NR2F1: variants seen among roughly 807,000 people sequenced by gnomAD.
NR2F1 encodes nuclear receptor subfamily 2 group F member 1.
Under a neutral mutation model 37.7 loss-of-function variants are expected in NR2F1, and 1 was observed. The ratio of observed to expected loss-of-function variants is 0.03; its 90% confidence interval spans 0.01 to 0.13. NR2F1 has a LOEUF of 0.13. Among genes scored for constraint, NR2F1 ranks in the 10% least tolerant of loss-of-function variants. NR2F1 has a pLI of 1.00. For synonymous variants in NR2F1, 275 were observed against 259.6 expected (o/e 1.06, Z -0.57); for missense variants, 268 against 578.4 (o/e 0.46, Z 5.50).
chr5:93,587,816 G>C, intron 1 of NR2F1, 101 bp from the exon 2 acceptor site: 1 of 1,270,316 alleles, frequency 7.9e-7, no homozygotes, highest in Non-Finnish European at 1.1e-6. Context: ...GCGTGTGGCT[G>C]CGGGAAGAGC....
intron 2 of NR2F1, among the ~76,000 whole-genome samples, chr5:93,588,776 T>TGCGC (rs148092401): frequency 6.7e-6 from 1 of 148,814 alleles, no homozygotes; most frequent in Non-Finnish European, 1.5e-5. Flanking sequence ...TCCGTCTGGC[T>TGCGC]GCGCGCGCGC....
chr5:93,589,999 A>T (rs531990474), intron 2 of NR2F1, among the ~76,000 whole-genome samples: 17 of 152,360 alleles, frequency 1.1e-4, no homozygotes, highest in African/African-American at 4.1e-4. Context: ...TGGAAGATTT[A>T]TGGAATAGCC....
intron 1 of NR2F1, among the ~76,000 whole-genome samples, chr5:93,586,542 T>C (rs918702440): frequency 6.6e-6 from 1 of 152,250 alleles, no homozygotes; most frequent in Non-Finnish European, 1.5e-5. Context: ...TCATTAAAGA[T>C]GTCTTATAGT....
intron 2 of NR2F1, among the ~76,000 whole-genome samples, chr5:93,592,924 A>T (rs1196606354): frequency 6.6e-6 from 1 of 152,096 alleles, no homozygotes; most frequent in Non-Finnish European, 1.5e-5. Flanking sequence ...CTGAAATCCT[A>T]TATTGCTAAA....
At chr5:93,588,605 G>A (rs1369747831) in intron 2 of NR2F1, among the ~76,000 whole-genome samples, 161 bp downstream of exon 2, 1 of 148,934 alleles carries the variant, frequency 6.7e-6, no homozygotes, top group Non-Finnish European at 1.5e-5. Context: ...CCCGCGCGGT[G>A]ACCGGCTGGC....
At chr5:93,589,783 A>G (rs763518232) in intron 2 of NR2F1, among the ~76,000 whole-genome samples, 3 of 152,242 alleles carry the variant, frequency 2.0e-5, no homozygotes, top group Non-Finnish European at 4.4e-5. Flanking sequence ...CTAAATTTGC[A>G]CAATATTGTA....
Position 93,583,478 on chromosome 5 carries a change from TTG to T in NR2F1, c.-1544_-1543del, listed in dbSNP as rs1282127380. On this transcript the variant is annotated 5_prime_UTR_variant, in exon 1 of 3. Transcript: ENST00000327111. ...TTTCTCTCCTTTTTCTCCCTCCTCC[TTG>T]TCTCTTTTACTCCATTCCTGCAGAA... 6.6e-6 allele frequency: 1 copy of T among 151,926 alleles called. No homozygotes were observed. The highest frequency in any genetic ancestry group is 1.5e-5 in the Non-Finnish European group (1 of 68,000). The allele number at this position is 151,926 out of a possible 1,614,324, so 9.4% of individuals were successfully genotyped here. A position where few individuals can be genotyped will look rare whatever the true frequency, so the allele number is the denominator to read the frequency against.
At position 93,593,720 on chromosome 5, in the gene NR2F1, G is replaced by A. The variant is rs775761102; in HGVS notation, c.1150G>A (p.Val384Ile). The change falls in exon 3 of 3, where the codon GTC (valine) becomes ATC (isoleucine). Residue 384 changes from valine to isoleucine, a missense_variant. Around this residue, in one of 5 missense-constraint regions of NR2F1, gnomAD observed 99 missense variants for 191.9 expected, o/e 0.52. Coordinates refer to ENST00000327111, the MANE Select transcript of NR2F1 (RefSeq NM_005654.6). This position sits in a 1 kb window ranked among gnomAD's most constrained non-coding sequence, Gnocchi z 5.6. ...LPSLRTVSSS[V>I]IEQLFFVRLV... ...CTCGCTGCGCACCGTGTCCTCCTCC[G>A]TCATCGAGCAGCTCTTCTTCGTCCG... 2.0e-5 allele frequency: 33 copies of A among 1,614,100 alleles called. No individual in the cohort carries two copies. Among genetic ancestry groups the A allele is most frequent in the African/African-American group, 2.7e-5 (2 of 74,936 alleles).
At position 93,593,579 on chromosome 5, in the gene NR2F1, G is replaced by C; in HGVS notation, c.1009G>C (p.Asp337His). The C allele has an allele frequency of 6.2e-7, 1 of 1,613,634 alleles. No homozygotes were observed. Among genetic ancestry groups the C allele is most frequent in the Non-Finnish European group, 8.5e-7 (1 of 1,179,854 alleles). The stretch of plus-strand genomic sequence containing the variant: ...TTGGGCAGACGCCTGTGGCCTGTCG[G>C]ATGCGGCCCACATCGAGAGCCTGCA... ...LFTSDACGLS[D>H]AAHIESLQEK... The change falls in exon 3 of 3, where the codon GAT becomes CAT. Residue 337 changes from aspartate to histidine, a missense_variant. Around this residue, in one of 5 missense-constraint regions of NR2F1, gnomAD observed 99 missense variants for 191.9 expected, o/e 0.52. Transcript: ENST00000327111. This position sits in a 1 kb window ranked among gnomAD's most constrained non-coding sequence, Gnocchi z 5.6.
At chr5:93,591,780 C>T (rs1753335458) in intron 2 of NR2F1, among the ~76,000 whole-genome samples, 1 of 152,034 alleles carries the variant, frequency 6.6e-6, no homozygotes, top group Non-Finnish European at 1.5e-5. Context: ...GCAGATAATG[C>T]ATGTAAAGCA....
chr5:93,585,230 C>G lies in NR2F1; in HGVS notation c.207C>G (p.Asp69Glu). ...GAPATPGTAG[D>E]KGQGPPGSGQ... ...CCGCCACCCCCGGCACGGCGGGGGACAAGGGCCAGGGCCCGCCCGGTTCGG... is the reference window on the plus strand; with the variant it reads ...CCGCCACCCCCGGCACGGCGGGGGAGAAGGGCCAGGGCCCGCCCGGTTCGG... Residue 69 changes from aspartate (D) to glutamate (E), a missense_variant, in exon 1 of 3, where the codon GAC becomes GAG. Asp to Glu is a conservative substitution (Grantham distance 45). Transcript: ENST00000327111. The G allele has an allele frequency of 6.4e-7, 1 of 1,552,532 alleles. No individual in the cohort carries two copies. Among genetic ancestry groups the G allele is most frequent in the Non-Finnish European group, 8.7e-7 (1 of 1,148,944 alleles).
At chr5:93,587,657 C>T (rs1753255419) in intron 1 of NR2F1, 1 of 479,050 alleles carries the variant, frequency 2.1e-6, no homozygotes, top group South Asian at 4.1e-5. Flanking sequence ...AGGGTTGGGG[C>T]CCTGGAGTCA....
At position 93,584,966 on chromosome 5, in the gene NR2F1, G is replaced by A; in HGVS notation, c.-58G>A. ...CCTTCCCCTCCCAGCGCGCCCGCGCGCCCCGCGGCCCTCGGCGAGCAGCTC... is the reference window on the plus strand; with the variant it reads ...CCTTCCCCTCCCAGCGCGCCCGCGCACCCCGCGGCCCTCGGCGAGCAGCTC... On this transcript the variant is annotated 5_prime_UTR_variant, in exon 1 of 3. Transcript: ENST00000327111. 1.3e-6 allele frequency: 1 copy of A among 759,464 alleles called. No individual in the cohort carries two copies. The highest frequency in any genetic ancestry group is 1.6e-6 in the Non-Finnish European group (1 of 632,570). 47.0% of individuals were successfully genotyped at this position (759,464 alleles called of 1,614,324 possible).
Position 93,588,076 on chromosome 5 carries a change from T to C in NR2F1, c.623T>C (p.Met208Thr). Residue 208 changes from methionine to threonine, a missense_variant, in exon 2 of 3, where the codon ATG becomes ACG. Around this residue, in one of 5 missense-constraint regions of NR2F1, gnomAD observed 42 missense variants for 72.5 expected, o/e 0.58. Transcript: ENST00000327111. ...ACGTCGCGCTACGGCAGCCAGTGCA[T>C]GCAGCCCAACAACATTATGGGCATC... ...YPTSRYGSQC[M>T]QPNNIMGIEN... 2 of 1,614,118 alleles carry C rather than the reference T, an allele frequency of 1.2e-6. No homozygotes were observed. The highest frequency in any genetic ancestry group is 1.7e-6 in the Non-Finnish European group (2 of 1,180,000).
intron 1 of NR2F1, among the ~76,000 whole-genome samples, chr5:93,586,153 G>C (rs1753229440): frequency 6.6e-6 from 1 of 152,172 alleles, no homozygotes; most frequent in Admixed American, 6.5e-5. Flanking sequence ...CTCCAGAGCT[G>C]TGGCCTTGTT....
intron 1 of NR2F1, among the ~76,000 whole-genome samples, chr5:93,585,906 G>T (rs1028963784): frequency 1.3e-5 from 2 of 151,708 alleles, no homozygotes; most frequent in African/African-American, 2.4e-5. Flanking sequence ...TGTTTCTGTG[G>T]TTTTTTTTCA....
chr5:93,584,124 C>T lies in NR2F1; in HGVS notation c.-900C>T. On this transcript the variant is annotated 5_prime_UTR_variant, in exon 1 of 3. Coordinates refer to ENST00000327111, the MANE Select transcript of NR2F1 (RefSeq NM_005654.6). ...GCCCTGCTCGGCTCACCGCGCTCCC[C>T]GCACTCCCGAGCCCGGCGAGGGCTC... 1 of 150,578 alleles carries T rather than the reference C, an allele frequency of 6.6e-6. No individual in the cohort carries two copies. The highest frequency in any genetic ancestry group is 2.0e-4 in the East Asian group (1 of 5,100). The allele number at this position is 150,578 out of a possible 1,614,324, so 9.3% of individuals were successfully genotyped here.
In NR2F1 at chr5:93,584,188, T is replaced by G. The variant is rs1367446820; in HGVS notation, c.-836T>G. The G allele has an allele frequency of 1.3e-5, 2 of 148,292 alleles. No homozygotes were observed. The highest frequency in any genetic ancestry group is 4.0e-4 in the East Asian group (2 of 5,052). The allele number at this position is 148,292 out of a possible 1,614,324, so 9.2% of individuals were successfully genotyped here. ...GGCGGCGCCGCGGGCGGCCCCGGCCTCCGCTCGCGCTCCGGCTGCGGCCCC... is the reference window on the plus strand; with the variant it reads ...GGCGGCGCCGCGGGCGGCCCCGGCCGCCGCTCGCGCTCCGGCTGCGGCCCC... On this transcript the variant is annotated 5_prime_UTR_variant, in exon 1 of 3. Coordinates refer to ENST00000327111, the MANE Select transcript of NR2F1 (RefSeq NM_005654.6).
chr5:93,585,187 C>T lies in NR2F1; in HGVS notation c.164C>T (p.Pro55Leu), dbSNP rs1239598532. 13 of 1,519,318 alleles carry T rather than the reference C, an allele frequency of 8.6e-6. No individual in the cohort carries two copies. The highest frequency in any genetic ancestry group is 1.1e-5 in the Non-Finnish European group (13 of 1,134,768). The allele number at this position is 1,519,318 out of a possible 1,614,324, so 94.1% of individuals were successfully genotyped here. Residue 55 changes from proline to leucine, a missense_variant, in exon 1 of 3, where the codon CCG becomes CTG. Around this residue, in one of 5 missense-constraint regions of NR2F1, gnomAD observed 90 missense variants for 106.5 expected, o/e 0.85. Transcript: ENST00000327111. The part of the protein sequence containing the change: ...GSGAPHTPQT[P>L]GQPGAPATPG... The stretch of plus-strand genomic sequence containing the variant: ...GGCGCGCCGCACACGCCGCAGACCC[C>T]GGGCCAGCCCGGAGCGCCCGCCACC...
Sources: allele counts gnomAD v4.1 joint callset (sites outside exome capture counted in the v4.1 genomes callset), GRCh38; gene constraint gnomAD v4.1.1; regional missense constraint gnomAD v4.1.1; non-coding constraint Gnocchi (gnomAD v3.1); transcripts MANE v1.5; gene names NCBI Gene and HGNC (gene_info 2026-07-23, HGNC 2026-07-21).